KIAA2012: variants seen among roughly 807,000 people sequenced by gnomAD.
KIAA2012 encodes the protein uncharacterized protein KIAA2012.
In KIAA2012, 125 loss-of-function variants were observed where a neutral mutation model predicts 150.6. That is an observed-to-expected ratio of 0.83 (90% CI 0.72 to 0.96). KIAA2012 has a LOEUF of 0.96. Among genes scored for constraint, KIAA2012 ranks in the 40% least tolerant of loss-of-function variants. KIAA2012 has a pLI of 0.00. For missense variants in KIAA2012, 1,219 were observed against 1,354.9 expected (o/e 0.90, Z 1.57); for synonymous variants, 462 against 504.7 (o/e 0.92, Z 1.13).
chr2:202,109,516 A>G (rs1371249024), intron 9 of KIAA2012, 97 bp from the exon 10 acceptor site: 19 of 1,074,538 alleles, frequency 1.8e-5, no homozygotes, highest in Admixed American at 1.5e-4. Context: ...AGCAGTCTTC[A>G]CACAGAGGTC....
chr2:202,107,761 G>C (rs142767551), intron 9 of KIAA2012, among the ~76,000 whole-genome samples: 1,844 of 152,278 alleles, frequency 0.012, 21 homozygotes, highest in Middle Eastern at 0.058. Flanking sequence ...TGTAATCCCA[G>C]CACTTCGGGA....
At chr2:202,092,507 CA>C (rs1405934700) in intron 3 of KIAA2012, among the ~76,000 whole-genome samples, 2 of 152,202 alleles carry the variant, frequency 1.3e-5, no homozygotes, top group Non-Finnish European at 2.9e-5. Flanking sequence ...CCATACAGAA[CA>C]CAAGAGAGCT....
At chr2:202,074,083 T>C (rs1689268912) in intron 1 of KIAA2012, among the ~76,000 whole-genome samples, 1 of 152,096 alleles carries the variant, frequency 6.6e-6, no homozygotes. Flanking sequence ...TGTGTGTTCA[T>C]GCCATTTCAA....
chr2:202,125,132 T>A, intron 11 of KIAA2012, 82 bp from the exon 12 acceptor site: 2 of 1,138,432 alleles, frequency 1.8e-6, no homozygotes, highest in Non-Finnish European at 2.6e-6. Context: ...TCACTTCATG[T>A]TTTCCCCTGT....
chr2:202,183,461 TGGGGGG>T (rs1692161991), intron 15 of KIAA2012, among the ~76,000 whole-genome samples: 5 of 131,098 alleles, frequency 3.8e-5, no homozygotes, highest in African/African-American at 1.1e-4. Flanking sequence ...GGGGGGTTTT[TGGGGGG>T]TTTTTTAAAT....
At chr2:202,190,547 G>T in intron 19 of KIAA2012, 54 bp downstream of exon 19, 2 of 1,340,656 alleles carry the variant, frequency 1.5e-6, no homozygotes, top group South Asian at 1.5e-5. Flanking sequence ...CACTTGGCGC[G>T]ACTGCAAAGA....
chr2:202,103,081 A>G lies in KIAA2012; in HGVS notation c.1291A>G (p.Lys431Glu). Reference protein sequence around the residue: ...ILPVEIHYHTKQPPKEKAHRR... With the variant: ...ILPVEIHYHTEQPPKEKAHRR... Reference sequence around the variant, plus strand: ...ACCGGTGGAGATTCATTACCACACCAAACAACCCCCAAAAGAGAAAGCCCA... The same window carrying G: ...ACCGGTGGAGATTCATTACCACACCGAACAACCCCCAAAAGAGAAAGCCCA... Residue 431 changes from lysine to glutamate, a missense_variant, in exon 8 of 24, where the codon AAA (lysine) becomes GAA (glutamate). Coordinates refer to ENST00000498697, the MANE Select transcript of KIAA2012 (RefSeq NM_001277372.4). 1.9e-6 allele frequency: 3 copies of G among 1,550,594 alleles called. No homozygotes were observed. The highest frequency in any genetic ancestry group is 2.7e-5 in the African/African-American group (2 of 73,154).
intron 13 of KIAA2012, among the ~76,000 whole-genome samples, chr2:202,138,823 G>C (rs1691138407): frequency 6.6e-6 from 1 of 152,196 alleles, no homozygotes; most frequent in South Asian, 2.1e-4. Context: ...GTAGGCACTA[G>C]TTTTCATTCG....
At position 202,073,522 on chromosome 2, in the gene KIAA2012, G is replaced by T; in HGVS notation, c.-106G>T. The T allele has an allele frequency of 1.1e-6, 1 of 917,296 alleles. No homozygotes were observed. Among genetic ancestry groups the T allele is most frequent in the South Asian group, 1.6e-5 (1 of 61,796 alleles). The allele number at this position is 917,296 out of a possible 1,614,324, so 56.8% of individuals were successfully genotyped here. On this transcript the variant is annotated 5_prime_UTR_variant, in exon 1 of 24. Coordinates refer to ENST00000498697, the MANE Select transcript of KIAA2012 (RefSeq NM_001277372.4). ...TTTAATAAAAGGCCCTGTGTTTGTG[G>T]TCTTCTTGGGCTTGCTGTGAGCTCT...
chr2:202,142,947 G>A (rs1197613855), intron 13 of KIAA2012, among the ~76,000 whole-genome samples: 1 of 150,840 alleles, frequency 6.6e-6, no homozygotes, highest in Admixed American at 6.7e-5. Flanking sequence ...TTGATTGCAG[G>A]ATGTTAAGCA....
chr2:202,084,245 G>A (rs1450193676), intron 2 of KIAA2012, among the ~76,000 whole-genome samples: 1 of 152,128 alleles, frequency 6.6e-6, no homozygotes, highest in African/African-American at 2.4e-5. Flanking sequence ...GCCTTCCTGG[G>A]GACTCTGGCT....
At chr2:202,182,815 T>A (rs1692148901) in intron 15 of KIAA2012, among the ~76,000 whole-genome samples, 1 of 152,226 alleles carries the variant, frequency 6.6e-6, no homozygotes, top group African/African-American at 2.4e-5. Context: ...TTCCTCCACA[T>A]CCTTGTCAAA....
At chr2:202,169,490 G>A (rs1168765601) in intron 15 of KIAA2012, among the ~76,000 whole-genome samples, 3 of 152,192 alleles carry the variant, frequency 2.0e-5, no homozygotes, top group African/African-American at 7.2e-5. Flanking sequence ...AACTAATGCT[G>A]ATGGGGAAGG....
At chr2:202,080,820 G>A (rs2350355) in intron 2 of KIAA2012, among the ~76,000 whole-genome samples, 23,308 of 152,078 alleles carry the variant, frequency 0.15, 2,058 homozygotes, top group South Asian at 0.26. Flanking sequence ...TAAGGTAGGT[G>A]CCTTTTTTAT....
chr2:202,110,598 A>G (rs1369004471), intron 10 of KIAA2012, among the ~76,000 whole-genome samples: 1 of 152,208 alleles, frequency 6.6e-6, no homozygotes, highest in Non-Finnish European at 1.5e-5. Flanking sequence ...GACAGATTGT[A>G]TAAAGAAAGA....
chr2:202,169,380 G>T (rs747118434), intron 15 of KIAA2012, among the ~76,000 whole-genome samples: 4 of 152,144 alleles, frequency 2.6e-5, no homozygotes, highest in Non-Finnish European at 5.9e-5. Context: ...GGTTACTAAG[G>T]TCACAGCCCT....
At chr2:202,078,409 C>T (rs557786947) in intron 2 of KIAA2012, among the ~76,000 whole-genome samples, 1 of 152,194 alleles carries the variant, frequency 6.6e-6, no homozygotes, top group Non-Finnish European at 1.5e-5. Flanking sequence ...CCATCTCAGC[C>T]TCCCCAGTAG....
intron 12 of KIAA2012, chr2:202,137,489 G>C (rs946829067): frequency 4.0e-5 from 6 of 151,896 alleles, no homozygotes; most frequent in African/African-American, 1.2e-4. Flanking sequence ...GCTAATTTTT[G>C]TATTTTTAGT....
chr2:202,146,537 C>T (rs1691300876), intron 13 of KIAA2012, among the ~76,000 whole-genome samples: 1 of 148,616 alleles, frequency 6.7e-6, no homozygotes, highest in African/African-American at 2.5e-5. Flanking sequence ...GAGCCTGAGG[C>T]AGAAGAATCT....
Sources: gnomAD v4.1 joint callset for allele counts (sites outside exome capture counted in the v4.1 genomes callset) on GRCh38, gnomAD v4.1.1 for gene constraint, MANE v1.5 for transcripts, NCBI Gene and HGNC (gene_info 2026-07-23, HGNC 2026-07-21) for gene names.